The following ITCH variants were observed in gnomAD, a reference collection of about 807,000 sequenced individuals.
The protein encoded by ITCH is itchy E3 ubiquitin protein ligase.
A neutral mutation model predicts 126.8 loss-of-function variants in ITCH; 28 were observed. The ratio of observed to expected loss-of-function variants is 0.22; its 90% CI spans 0.16 to 0.30. The LOEUF (loss-of-function observed/expected upper bound fraction) is 0.30, where lower values mean the gene tolerates loss of function less well. Among genes scored for constraint, ITCH ranks in the 10% least tolerant of loss-of-function variants. The pLI is 1.00. For synonymous variants in ITCH, 342 were observed against 340.0 expected, an observed-to-expected ratio of 1.01 and a Z score of -0.06; for missense variants, 631 against 1,032.4, an observed-to-expected ratio of 0.61 and a Z score of 5.33.
intron 23 of ITCH, 61 bp from the exon 24 acceptor site, chr20:34,504,269 TG>T: frequency 8.2e-7 from 1 of 1,217,994 alleles, no homozygotes. Flanking sequence ...CTTGTTGGAT[TG>T]GGGAACACAG....
chr20:34,376,338 G>A (rs1027315408), intron 2 of ITCH, among the ~76,000 whole-genome samples: 2 of 151,882 alleles, frequency 1.3e-5, no homozygotes, highest in Non-Finnish European at 2.9e-5. Context: ...TGCAAGGGTC[G>A]CTTAAGCCCA....
At chr20:34,445,743 AAAT>A (rs1268779955) in intron 11 of ITCH, among the ~76,000 whole-genome samples, 3 of 152,218 alleles carry the variant, frequency 2.0e-5, no homozygotes, top group Non-Finnish European at 4.4e-5. Context: ...AGAGTAGTAA[AAAT>A]AAACCCAAGC....
intron 1 of ITCH, among the ~76,000 whole-genome samples, chr20:34,363,725 C>T (rs1234056812): frequency 6.6e-6 from 1 of 152,016 alleles, no homozygotes; most frequent in African/African-American, 2.4e-5. Context: ...GCGCGGGGCC[C>T]GGCGGCGGGG....
At chr20:34,487,935 G>A (rs904078862) in intron 20 of ITCH, among the ~76,000 whole-genome samples, 10 of 151,926 alleles carry the variant, frequency 6.6e-5, no homozygotes, top group Admixed American at 3.3e-4. Context: ...GCGAGACTTC[G>A]TCTCAAAAAA....
chr20:34,445,518 A>G (rs1984348449), intron 11 of ITCH, 57 bp downstream of exon 11: 1 of 1,542,338 alleles, frequency 6.5e-7, no homozygotes, highest in Non-Finnish European at 9.0e-7. Flanking sequence ...AGCCCCTTCC[A>G]GCATATGTCA....
chr20:34,456,347 C>T (rs1346988403), intron 12 of ITCH, among the ~76,000 whole-genome samples: 4 of 142,442 alleles, frequency 2.8e-5, no homozygotes, highest in Non-Finnish European at 6.1e-5. Flanking sequence ...GCCTTAGCCC[C>T]GGAAGTTGCT....
chr20:34,470,069 C>G lies in ITCH; in HGVS notation c.1446C>G (p.Ala482=). The G allele has an allele frequency of 6.2e-7, 1 of 1,613,824 alleles. No homozygotes were observed. The highest frequency in any genetic ancestry group is 1.3e-5 in the African/African-American group (1 of 75,012). ...KSALDNGPQI[A]YVRDFKAKVQ... ...TCAGAGACAATGGACCTCAGATAGC[C>G]TATGTTCGGGACTTCAAAGCAAAGG... is the stretch of plus-strand genomic sequence containing the variant. Residue 482 remains alanine (A), a synonymous_variant, in exon 15 of 25, where the codon GCC becomes GCG. Coordinates refer to ENST00000374864, the MANE Select transcript of ITCH (RefSeq NM_031483.7).
chr20:34,482,743 C>G (rs1384977176), intron 20 of ITCH, among the ~76,000 whole-genome samples: 1 of 152,142 alleles, frequency 6.6e-6, no homozygotes, highest in South Asian at 2.1e-4. Flanking sequence ...GACGGTTGCC[C>G]TCTTCTCACA....
At chr20:34,473,046 G>C (rs1450354349) in intron 16 of ITCH, among the ~76,000 whole-genome samples, 2 of 152,098 alleles carry the variant, frequency 1.3e-5, no homozygotes, top group African/African-American at 4.8e-5. Flanking sequence ...TGACTAGATG[G>C]TTCTAAAACA....
intron 1 of ITCH, among the ~76,000 whole-genome samples, chr20:34,365,711 G>A (rs1161478334): frequency 6.6e-6 from 1 of 152,092 alleles, no homozygotes; most frequent in East Asian, 1.9e-4. Flanking sequence ...CGCCACTCCT[G>A]GCCCTAAAAA....
chr20:34,495,917 A>C (rs1989846041), intron 23 of ITCH, among the ~76,000 whole-genome samples: 1 of 147,340 alleles, frequency 6.8e-6, no homozygotes, highest in Non-Finnish European at 1.5e-5. Flanking sequence ...TCTACTGAAA[A>C]TACTAAAAAA....
chr20:34,430,102 A>AT (rs1291690790), intron 7 of ITCH, among the ~76,000 whole-genome samples: 1 of 152,228 alleles, frequency 6.6e-6, no homozygotes, highest in Non-Finnish European at 1.5e-5. Context: ...CCTTTATATG[A>AT]TAGACACTAT....
chr20:34,451,897 GTC>G (rs1985297692), intron 12 of ITCH, among the ~76,000 whole-genome samples: 1 of 151,862 alleles, frequency 6.6e-6, no homozygotes, highest in Non-Finnish European at 1.5e-5. Context: ...GCGAAAACCT[GTC>G]TCTATAAAAA....
At chr20:34,370,571 G>A (rs1441159732) in intron 2 of ITCH, among the ~76,000 whole-genome samples, 2 of 151,766 alleles carry the variant, frequency 1.3e-5, no homozygotes, top group African/African-American at 4.8e-5. Flanking sequence ...GGCTGAGGCA[G>A]GAGAATCATT....
At chr20:34,373,619 A>T (rs897091388) in intron 2 of ITCH, among the ~76,000 whole-genome samples, 1 of 152,134 alleles carries the variant, frequency 6.6e-6, no homozygotes, top group African/African-American at 2.4e-5. Flanking sequence ...GCAGGGACTT[A>T]TGGTGAAAAA....
At chr20:34,483,071 A>G (rs930736410) in intron 20 of ITCH, among the ~76,000 whole-genome samples, 3 of 152,140 alleles carry the variant, frequency 2.0e-5, no homozygotes, top group Non-Finnish European at 2.9e-5. Flanking sequence ...GAAACAGGGC[A>G]CCAAGTCCCT....
chr20:34,448,353 A>T (rs1224693689), intron 11 of ITCH, among the ~76,000 whole-genome samples: 1 of 152,042 alleles, frequency 6.6e-6, no homozygotes, highest in Non-Finnish European at 1.5e-5. Flanking sequence ...AGATCGTGCC[A>T]CTGTACTCCA....
chr20:34,465,307 G>C (rs1481033961), intron 14 of ITCH, among the ~76,000 whole-genome samples: 1 of 151,320 alleles, frequency 6.6e-6, no homozygotes, highest in Non-Finnish European at 1.5e-5. Flanking sequence ...AAATCAGGAA[G>C]GTATGTGTCC....
rs1425955655 is a variant in ITCH at position 34,511,540 on chromosome 20, G to A, written c.*3746G>A. 1.3e-5 allele frequency: 2 copies of A among 152,134 alleles called. No individual in the cohort carries two copies. Among genetic ancestry groups the A allele is most frequent in the African/African-American group, 4.8e-5 (2 of 41,432 alleles). 9.4% of individuals were successfully genotyped at this position (152,134 alleles called of 1,614,324 possible). On this transcript the variant is annotated 3_prime_UTR_variant, in exon 25 of 25. Transcript: ENST00000374864. ...TGGCAAGTTACAGCCCATCTGGATT[G>A]TGGTATTGTTCCCAGACCAAATCAA... is the stretch of plus-strand genomic sequence containing the variant.
Sources: allele counts gnomAD v4.1 joint callset (sites outside exome capture counted in the v4.1 genomes callset), GRCh38; gene constraint gnomAD v4.1.1; transcripts MANE v1.5; gene names NCBI Gene and HGNC (gene_info 2026-07-23, HGNC 2026-07-21).